The following CHSY1 variants were observed in gnomAD, a reference collection of about 807,000 sequenced individuals.
The protein encoded by CHSY1 is chondroitin sulfate synthase 1.
Under a neutral mutation model 59.8 loss-of-function variants are expected in CHSY1, and 13 were observed. The observed-to-expected ratio is 0.22, with a 90% confidence interval of 0.14 to 0.35. The LOEUF is 0.35. Ranked by LOEUF, CHSY1 falls within the 10% of genes least tolerant of loss-of-function variation. CHSY1 has a pLI of 1.00. For missense variants in CHSY1, 947 were observed against 1,030.6 expected, an observed-to-expected ratio of 0.92 and a Z score of 1.11; for synonymous variants, 459 against 401.2, an observed-to-expected ratio of 1.14 and a Z score of -1.72.
chr15:101,238,470 A>C (rs547378543), intron 1 of CHSY1, among the ~76,000 whole-genome samples: 1 of 152,350 alleles, frequency 6.6e-6, no homozygotes, highest in African/African-American at 2.4e-5. Flanking sequence ...GCCTCTCAAA[A>C]AGTGCAAGGA....
At chr15:101,251,077 G>A (rs539767694) in intron 1 of CHSY1, 60 bp downstream of exon 1, 5 of 1,479,292 alleles carry the variant, frequency 3.4e-6, no homozygotes, top group East Asian at 2.6e-5. Flanking sequence ...GAGAGCACCC[G>A]GGATGCCGGC....
chr15:101,242,932 T>C (rs994730054), intron 1 of CHSY1, among the ~76,000 whole-genome samples: 27 of 152,190 alleles, frequency 1.8e-4, no homozygotes, highest in African/African-American at 4.8e-4. Flanking sequence ...GGTGGGAAAA[T>C]GTAACAGAGG....
chr15:101,225,898 G>T (rs2038836594), intron 2 of CHSY1, among the ~76,000 whole-genome samples: 1 of 152,068 alleles, frequency 6.6e-6, no homozygotes, highest in African/African-American at 2.4e-5. Context: ...TATGTCTTAA[G>T]ATAAAGAAAA....
chr15:101,185,329 G>A (rs1397065060), intron 2 of CHSY1, among the ~76,000 whole-genome samples: 1 of 152,182 alleles, frequency 6.6e-6, no homozygotes, highest in Admixed American at 6.5e-5. Context: ...GAGCAGGAAG[G>A]AAAACCTAGG....
chr15:101,180,875 T>C (rs2038268730), intron 2 of CHSY1, among the ~76,000 whole-genome samples: 1 of 152,242 alleles, frequency 6.6e-6, no homozygotes, highest in African/African-American at 2.4e-5. Flanking sequence ...CAAAGCATCC[T>C]TACTGTTCAC....
At chr15:101,213,090 G>A (rs1045118882) in intron 2 of CHSY1, among the ~76,000 whole-genome samples, 37 of 152,104 alleles carry the variant, frequency 2.4e-4, no homozygotes, top group African/African-American at 5.8e-4. Context: ...TAATTCTTCC[G>A]AAAAGAGGAA....
At chr15:101,216,345 C>A (rs1398213349) in intron 2 of CHSY1, among the ~76,000 whole-genome samples, 1 of 152,186 alleles carries the variant, frequency 6.6e-6, no homozygotes, top group African/African-American at 2.4e-5. Flanking sequence ...CAGTTTCTTA[C>A]AAAGCTAAAC....
At chr15:101,216,485 T>C (rs1481421213) in intron 2 of CHSY1, among the ~76,000 whole-genome samples, 2 of 152,188 alleles carry the variant, frequency 1.3e-5, no homozygotes, top group East Asian at 1.9e-4. Flanking sequence ...GAAAACCAAA[T>C]GTCTTTCAGT....
intron 2 of CHSY1, among the ~76,000 whole-genome samples, chr15:101,213,888 G>A (rs969124771): frequency 3.3e-5 from 5 of 152,184 alleles, no homozygotes; most frequent in Non-Finnish European, 7.3e-5. Context: ...AAATCACGAG[G>A]CTTTTACTTT....
intron 2 of CHSY1, among the ~76,000 whole-genome samples, chr15:101,182,045 AGTTTACATTGTCT>A (rs1175981786): frequency 2.0e-5 from 3 of 152,214 alleles, no homozygotes; most frequent in Non-Finnish European, 4.4e-5. Flanking sequence ...TAATACTGTG[AGTTTACATTGTCT>A]GTTTACAAAA....
Position 101,199,947 on chromosome 15 carries a change from C to T in CHSY1, c.817-20967G>A, listed in dbSNP as rs186536810. ...TTACAGCTGCATCAGCAACTGGAGA[C>T]AAGTGAGTCACAAAAGCCCTCTGAA... On this transcript the variant is annotated intron_variant, in intron 2 of 2. Coordinates refer to ENST00000254190, the MANE Select transcript of CHSY1 (RefSeq NM_014918.5). Among the ~76,000 whole-genome samples the T allele has an allele frequency of 3.0e-3, 463 of 152,278 alleles. 1 individual carries two copies. Among genetic ancestry groups the T allele is most frequent in the Non-Finnish European group, 5.6e-3 (380 of 68,026 alleles).
chr15:101,249,205 G>A (rs986028916), intron 1 of CHSY1, among the ~76,000 whole-genome samples: 1 of 151,998 alleles, frequency 6.6e-6, no homozygotes, highest in Non-Finnish European at 1.5e-5. Flanking sequence ...GGGGCATGGG[G>A]GAGATAAGGG....
chr15:101,236,667 AAAAC>A (rs762833189), intron 1 of CHSY1, among the ~76,000 whole-genome samples: 35 of 152,002 alleles, frequency 2.3e-4, no homozygotes, highest in Non-Finnish European at 3.8e-4. Flanking sequence ...TAAAAATACA[AAAAC>A]AAAATTAGCC....
chr15:101,206,782 C>A (rs1385894993), intron 2 of CHSY1, among the ~76,000 whole-genome samples: 3 of 152,134 alleles, frequency 2.0e-5, no homozygotes, highest in African/African-American at 7.2e-5. Context: ...CAAATATTCC[C>A]AGGGTTTTGG....
At chr15:101,213,781 C>T (rs995998772) in intron 2 of CHSY1, among the ~76,000 whole-genome samples, 2 of 152,138 alleles carry the variant, frequency 1.3e-5, no homozygotes, top group Admixed American at 6.5e-5. Flanking sequence ...GATACAGGTA[C>T]GAAGAAAAGC....
At chr15:101,222,520 C>T (rs1336871358) in intron 2 of CHSY1, among the ~76,000 whole-genome samples, 1 of 152,172 alleles carries the variant, frequency 6.6e-6, no homozygotes, top group Non-Finnish European at 1.5e-5. Context: ...TCAGATTTCA[C>T]CAGTTTTCCC....
chr15:101,241,708 T>C (rs760090154), intron 1 of CHSY1, among the ~76,000 whole-genome samples: 1 of 152,232 alleles, frequency 6.6e-6, no homozygotes, highest in Non-Finnish European at 1.5e-5. Context: ...TGCTGTCTGA[T>C]GGCTACACGG....
chr15:101,183,161 C>T (rs1163255028), intron 2 of CHSY1, among the ~76,000 whole-genome samples: 1 of 151,772 alleles, frequency 6.6e-6, no homozygotes, highest in Non-Finnish European at 1.5e-5. Context: ...AAAAACCAGA[C>T]AACAGGAGAG....
chr15:101,188,722 A>C (rs1246417947), intron 2 of CHSY1, among the ~76,000 whole-genome samples: 2 of 152,250 alleles, frequency 1.3e-5, no homozygotes, highest in Non-Finnish European at 2.9e-5. Context: ...AAAGTAAAAC[A>C]AAAGCTGTTG....
Sources: allele counts gnomAD v4.1 joint callset (sites outside exome capture counted in the v4.1 genomes callset), GRCh38; gene constraint gnomAD v4.1.1; transcripts MANE v1.5; gene names NCBI Gene and HGNC (gene_info 2026-07-23, HGNC 2026-07-21).